IFT80: variants seen among roughly 807,000 people sequenced by gnomAD.
The protein encoded by IFT80 is intraflagellar transport 80, also known as intraflagellar transport protein 80 homolog.
A neutral mutation model predicts 107.9 loss-of-function variants in IFT80; 79 were observed. The observed-to-expected ratio is 0.73, with a 90% CI of 0.61 to 0.88. The LOEUF (loss-of-function observed/expected upper bound fraction) is 0.88. IFT80 is among the 40% of genes least tolerant of loss of function. The probability of loss-of-function intolerance (pLI) is 0.00; values close to 1 mark genes in which losing one functional copy is unlikely to be tolerated. For synonymous variants in IFT80, 299 were observed against 300.9 expected (o/e 0.99, Z 0.07); for missense variants, 797 against 914.2 (o/e 0.87, Z 1.65).
chr3:160,384,685 T>A (rs1222856854), intron 1 of IFT80, 39 bp from the exon 2 acceptor site: 60 of 1,483,636 alleles, frequency 4.0e-5, no homozygotes, highest in Non-Finnish European at 5.5e-5. Context: ...AAGTCAGCAT[T>A]AAAAACAAAT....
At chr3:160,264,181 C>T (rs1038138328) in intron 19 of IFT80, among the ~76,000 whole-genome samples, 4 of 151,904 alleles carry the variant, frequency 2.6e-5, no homozygotes, top group African/African-American at 9.7e-5. Flanking sequence ...GTGACCTCGG[C>T]TCACTGCAAC....
At chr3:160,287,971 C>T (rs1715220892) in intron 12 of IFT80, among the ~76,000 whole-genome samples, 1 of 152,118 alleles carries the variant, frequency 6.6e-6, no homozygotes, top group African/African-American at 2.4e-5. Flanking sequence ...AAAATGATCC[C>T]TAAGAGAATA....
chr3:160,313,097 A>G (rs2108288131), intron 9 of IFT80, among the ~76,000 whole-genome samples: 2 of 114,202 alleles, frequency 1.8e-5, no homozygotes, highest in African/African-American at 6.7e-5. Flanking sequence ...TATATTTTAT[A>G]TATATTTTTT....
At chr3:160,313,747 C>CT (rs1717583490) in intron 9 of IFT80, among the ~76,000 whole-genome samples, 2 of 151,768 alleles carry the variant, frequency 1.3e-5, no homozygotes, top group African/African-American at 2.4e-5. Context: ...GTAACTGGGA[C>CT]TACAGGCACA....
At chr3:160,289,463 AT>A (rs922583975) in intron 12 of IFT80, among the ~76,000 whole-genome samples, 8 of 152,168 alleles carry the variant, frequency 5.3e-5, no homozygotes, top group African/African-American at 1.7e-4. Context: ...CAAAAGTTTT[AT>A]TTGGTTGTTT....
Position 160,268,554 on chromosome 3 carries a change from A to G in IFT80, c.2100-18T>C. 6.2e-7 allele frequency: 1 copy of G among 1,611,158 alleles called. No homozygotes were observed. ...CCAGTGCCCTATAATGAGAAATAAA[A>G]CAGATTATTAACATTGTTTGTGTCA... On this transcript the variant is annotated intron_variant, in intron 18 of 19. Coordinates refer to ENST00000326448, the MANE Select transcript of IFT80 (RefSeq NM_020800.3).
intron 8 of IFT80, among the ~76,000 whole-genome samples, chr3:160,325,703 C>T (rs571255695): frequency 3.9e-5 from 6 of 152,020 alleles, no homozygotes; most frequent in South Asian, 4.2e-4. Context: ...AATCTAAACA[C>T]GAAATTCATT....
At chr3:160,324,680 A>G (rs1576811635) in intron 8 of IFT80, among the ~76,000 whole-genome samples, 1 of 152,292 alleles carries the variant, frequency 6.6e-6, no homozygotes, top group South Asian at 2.1e-4. Flanking sequence ...AGCATACTGA[A>G]TGGGCAAAAA....
intron 3 of IFT80, among the ~76,000 whole-genome samples, chr3:160,380,070 G>T (rs1347502384): frequency 7.2e-6 from 1 of 138,760 alleles, no homozygotes; most frequent in Admixed American, 7.7e-5. Context: ...GTCTTGCTCT[G>T]TGCCCAGGAT....
At chr3:160,398,150 T>G (rs562915139) in intron 1 of IFT80, among the ~76,000 whole-genome samples, 1 of 152,318 alleles carries the variant, frequency 6.6e-6, no homozygotes, top group South Asian at 2.1e-4. Context: ...GTTTTTAACT[T>G]CAAACATAAA....
chr3:160,282,393 A>G, intron 14 of IFT80, 85 bp downstream of exon 14: 2 of 989,166 alleles, frequency 2.0e-6, no homozygotes, highest in South Asian at 3.1e-5. Flanking sequence ...ACATTAAAAC[A>G]TTTCCAGATT....
chr3:160,397,913 G>T (rs1449451787), intron 1 of IFT80, among the ~76,000 whole-genome samples: 1 of 151,786 alleles, frequency 6.6e-6, no homozygotes. Flanking sequence ...TAGAGACGGG[G>T]TTTGTCCATG....
chr3:160,277,746 C>A, intron 16 of IFT80, 76 bp from the exon 17 acceptor site: 1 of 884,174 alleles, frequency 1.1e-6, no homozygotes, highest in South Asian at 1.4e-5. Flanking sequence ...TTTAAATACT[C>A]ATACTAAAAT....
chr3:160,312,287 T>C (rs1717330921), intron 9 of IFT80, among the ~76,000 whole-genome samples: 2 of 151,846 alleles, frequency 1.3e-5, no homozygotes, highest in South Asian at 4.1e-4. Flanking sequence ...TGAAGCCCCA[T>C]GTAGCAGGTG....
intron 16 of IFT80, among the ~76,000 whole-genome samples, chr3:160,278,204 G>C (rs116510044): frequency 2.6e-5 from 4 of 152,210 alleles, no homozygotes; most frequent in Non-Finnish European, 5.9e-5. Flanking sequence ...CAAGCTGGAA[G>C]CTTGCATGAG....
intron 6 of IFT80, among the ~76,000 whole-genome samples, chr3:160,364,352 A>T (rs756764502): frequency 1.1e-4 from 17 of 152,182 alleles, no homozygotes; most frequent in Non-Finnish European, 1.8e-4. Flanking sequence ...ATCAGGAAAC[A>T]ACAGTGCTGG....
chr3:160,369,616 A>G (rs1206056153), intron 5 of IFT80, among the ~76,000 whole-genome samples: 3 of 151,956 alleles, frequency 2.0e-5, no homozygotes, highest in Non-Finnish European at 4.4e-5. Flanking sequence ...AAAAATTTAT[A>G]TTTCAAATTT....
At chr3:160,260,391 G>T (rs1378594309) in intron 19 of IFT80, among the ~76,000 whole-genome samples, 2 of 152,184 alleles carry the variant, frequency 1.3e-5, no homozygotes, top group Non-Finnish European at 2.9e-5. Flanking sequence ...AAACTTGATG[G>T]ATGCTTTGGG....
chr3:160,318,808 G>C (rs1041857845), intron 9 of IFT80, among the ~76,000 whole-genome samples: 1 of 152,046 alleles, frequency 6.6e-6, no homozygotes, highest in Non-Finnish European at 1.5e-5. Context: ...CAGGAGGTCA[G>C]TCTGACCTTC....
Sources: gnomAD v4.1 joint callset for allele counts (sites outside exome capture counted in the v4.1 genomes callset) on GRCh38, gnomAD v4.1.1 for gene constraint, MANE v1.5 for transcripts, NCBI Gene and HGNC (gene_info 2026-07-23, HGNC 2026-07-21) for gene names.